Variants in RABGAP1L observed in about 807,000 individuals in gnomAD.
RABGAP1L encodes the protein RAB GTPase activating protein 1 like.
In RABGAP1L, 63 loss-of-function variants were observed where a neutral mutation model predicts 137.7. The observed-to-expected ratio is 0.46, with a 90% confidence interval of 0.37 to 0.56. RABGAP1L has a LOEUF of 0.56. RABGAP1L is among the 20% of genes least tolerant of loss of function. RABGAP1L has a pLI of 0.00. For missense variants in RABGAP1L, 1,095 were observed against 1,244.0 expected (o/e 0.88, Z 1.80); for synonymous variants, 431 against 433.7 (o/e 0.99, Z 0.08).
chr1:174,579,201 T>C (rs1668570981), intron 13 of RABGAP1L, among the ~76,000 whole-genome samples: 1 of 152,038 alleles, frequency 6.6e-6, no homozygotes, highest in Non-Finnish European at 1.5e-5. Context: ...AACATGTAGG[T>C]ACAAAGGGAT....
At chr1:174,256,310 A>G (rs140174773) in intron 7 of RABGAP1L, among the ~76,000 whole-genome samples, 1,621 of 152,244 alleles carry the variant, frequency 0.011, 122 homozygotes, top group Admixed American at 0.1. Flanking sequence ...CATAGTTTAT[A>G]TGTCCTTCAC....
intron 1 of RABGAP1L, among the ~76,000 whole-genome samples, chr1:174,191,844 A>C (rs1393687076): frequency 6.6e-6 from 1 of 152,206 alleles, no homozygotes; most frequent in Non-Finnish European, 1.5e-5. Flanking sequence ...GTCAGTGCAC[A>C]GGGAAATGTT....
At chr1:174,985,353 A>T (rs1236423200) in intron 24 of RABGAP1L, among the ~76,000 whole-genome samples, 2 of 152,246 alleles carry the variant, frequency 1.3e-5, no homozygotes, top group African/African-American at 4.8e-5. Flanking sequence ...TGAGCATGCC[A>T]TGGCACTCCA....
At chr1:174,480,051 AAGAC>A (rs1032781508) in intron 13 of RABGAP1L, among the ~76,000 whole-genome samples, 12 of 152,300 alleles carry the variant, frequency 7.9e-5, no homozygotes, top group African/African-American at 2.6e-4. Context: ...ATTTTCATTT[AAGAC>A]AGAAGTTAAA....
intron 11 of RABGAP1L, among the ~76,000 whole-genome samples, chr1:174,349,827 C>A (rs1471577736): frequency 1.5e-5 from 2 of 136,712 alleles, no homozygotes; most frequent in Admixed American, 7.0e-5. Context: ...GCGCCCCTCA[C>A]CTCCCAGACG....
chr1:174,502,576 G>GTATATATATATATATATATA lies in RABGAP1L; in HGVS notation c.1710+108433_1710+108452dup, dbSNP rs60045454. ...GAGATAATGCAGAAGAAAGTACACG[G>GTATATATATATATATATATA]TATATATATATATATATATATGTAC... On this transcript the variant is annotated intron_variant, in intron 13 of 25. Transcript: ENST00000681986. Among the ~76,000 whole-genome samples the GTATATATATATATATATATA allele has an allele frequency of 2.6e-3, 334 of 128,966 alleles. 1 individual carries two copies. Among genetic ancestry groups the GTATATATATATATATATATA allele is most frequent in the African/African-American group, 5.0e-3 (164 of 33,104 alleles). The allele number at this position is 128,966 out of a possible 152,430, so 84.6% of individuals were successfully genotyped here.
intron 19 of RABGAP1L, among the ~76,000 whole-genome samples, chr1:174,884,370 G>C (rs1034971363): frequency 6.6e-6 from 1 of 152,134 alleles, no homozygotes; most frequent in Non-Finnish European, 1.5e-5. Flanking sequence ...ATATGTCAGA[G>C]ATGGAGAAAA....
intron 1 of RABGAP1L, among the ~76,000 whole-genome samples, chr1:174,203,211 T>C (rs1361428482): frequency 6.6e-6 from 1 of 152,196 alleles, no homozygotes; most frequent in Non-Finnish European, 1.5e-5. Flanking sequence ...CCACCTTCAG[T>C]GTTCTGTGTG....
intron 13 of RABGAP1L, among the ~76,000 whole-genome samples, chr1:174,486,578 C>CCT (rs1256095966): frequency 1.3e-5 from 2 of 152,112 alleles, no homozygotes; most frequent in East Asian, 3.9e-4. Flanking sequence ...GATCCCCTGA[C>CCT]CTCGTGATCT....
intron 13 of RABGAP1L, among the ~76,000 whole-genome samples, chr1:174,616,020 C>T (rs541865235): frequency 2.0e-5 from 3 of 152,238 alleles, no homozygotes; most frequent in East Asian, 3.9e-4. Flanking sequence ...TCCCTGACCC[C>T]TTGCACTTCC....
rs192049417 is a variant in RABGAP1L, at chr1:174,662,865, A to C, written c.1825-20657A>C. ...TCTTCATTTTAAATAAAACAGCTTA[A>C]AAAGTAAAAACAAATAAATGAAAAA... On this transcript the variant is annotated intron_variant, in intron 14 of 25. Coordinates refer to ENST00000681986, the MANE Select transcript of RABGAP1L (RefSeq NM_001366446.1). 6.6e-5 allele frequency among the ~76,000 whole-genome samples: 10 copies of C among 152,340 alleles called. No homozygotes were observed. In the East Asian group the frequency reaches 1.3e-3, roughly 21 times the overall value.
chr1:174,377,763 T>C (rs75578887), intron 12 of RABGAP1L, among the ~76,000 whole-genome samples: 23 of 97,310 alleles, frequency 2.4e-4, no homozygotes, highest in South Asian at 6.3e-4. Flanking sequence ...GCAACTCTTT[T>C]TTTTTTTTTT....
At position 174,221,042 on chromosome 1, in the gene RABGAP1L, C is replaced by T; in HGVS notation, c.209C>T (p.Pro70Leu). The T allele has an allele frequency of 6.2e-7, 1 of 1,613,734 alleles. No homozygotes were observed. Among genetic ancestry groups the T allele is most frequent in the Non-Finnish European group, 8.5e-7 (1 of 1,179,826 alleles). ...ATTTTGAGAGATTCCGAGAAAAGGC[C>T]AAGCAGTCTTCTTGTTGATTGTCAA... ...EEILRDSEKRPSSLLVDCQSS... is the reference protein window; with the variant it reads ...EEILRDSEKRLSSLLVDCQSS... Residue 70 changes from proline (P) to leucine (L), a missense_variant, in exon 3 of 26, where the codon CCA becomes CTA. By Grantham distance (98) the Pro-to-Leu change is moderately conservative (BLOSUM62 -3). Around this residue, in one of 4 missense-constraint regions of RABGAP1L, gnomAD observed 356 missense variants for 326.3 expected, o/e 1.09. Transcript: ENST00000681986.
intron 2 of RABGAP1L, 24 bp downstream of exon 2, chr1:174,219,319 G>T: frequency 1.4e-6 from 2 of 1,432,864 alleles, no homozygotes; most frequent in South Asian, 1.4e-5. Flanking sequence ...TTCTACATAT[G>T]GTATAATTTT....
chr1:174,376,832 T>C (rs1685588638), intron 12 of RABGAP1L, among the ~76,000 whole-genome samples: 1 of 152,132 alleles, frequency 6.6e-6, no homozygotes, highest in African/African-American at 2.4e-5. Flanking sequence ...CTCAACTTAG[T>C]ACTAGAGGTC....
At chr1:174,546,348 T>C (rs752172419) in intron 13 of RABGAP1L, among the ~76,000 whole-genome samples, 21 of 152,222 alleles carry the variant, frequency 1.4e-4, no homozygotes, top group Non-Finnish European at 2.9e-4. Context: ...GTAGTGTATG[T>C]AGGTAGCCTA....
intron 19 of RABGAP1L, among the ~76,000 whole-genome samples, chr1:174,944,642 AT>A (rs1339385744): frequency 3.1e-5 from 4 of 130,528 alleles, no homozygotes; most frequent in African/African-American, 1.5e-4. Context: ...GTCTCAAAAA[AT>A]TAAAAAAAAA....
chr1:174,565,288 C>CGT (rs1487801271), intron 13 of RABGAP1L, among the ~76,000 whole-genome samples: 1 of 152,128 alleles, frequency 6.6e-6, no homozygotes, highest in Non-Finnish European at 1.5e-5. Context: ...TGTAATGAAA[C>CGT]GTGGCTTTCC....
At chr1:174,736,355 A>G (rs547864375) in intron 17 of RABGAP1L, among the ~76,000 whole-genome samples, 1 of 152,344 alleles carries the variant, frequency 6.6e-6, no homozygotes, top group Non-Finnish European at 1.5e-5. Flanking sequence ...CCTTGTTTCC[A>G]TGTCCCACAC....
Sources: gnomAD v4.1 joint callset for allele counts (sites outside exome capture counted in the v4.1 genomes callset) on GRCh38, gnomAD v4.1.1 for gene constraint, gnomAD v4.1.1 regional missense constraint, MANE v1.5 for transcripts, NCBI Gene and HGNC (gene_info 2026-07-23, HGNC 2026-07-21) for gene names.